CALCRL: variants seen among roughly 807,000 people sequenced by gnomAD.
CALCRL encodes calcitonin gene-related peptide type 1 receptor.
In CALCRL, 27 loss-of-function variants were observed where a neutral mutation model predicts 60.4. The ratio of observed to expected loss-of-function variants is 0.45; its 90% CI spans 0.33 to 0.62. CALCRL has a LOEUF of 0.62. Ranked by LOEUF, CALCRL falls within the 20% of genes least tolerant of loss-of-function variation. CALCRL has a pLI of 0.03. For synonymous variants in CALCRL, 190 were observed against 182.6 expected, an observed-to-expected ratio of 1.04 and a Z score of -0.33; for missense variants, 424 against 540.7, an observed-to-expected ratio of 0.78 and a Z score of 2.14.
intron 1 of CALCRL, among the ~76,000 whole-genome samples, chr2:187,420,391 A>G (rs2105871246): frequency 6.6e-6 from 1 of 152,264 alleles, no homozygotes; most frequent in East Asian, 1.9e-4. Flanking sequence ...ACATTATGAT[A>G]AAGCTCATCG....
intron 1 of CALCRL, among the ~76,000 whole-genome samples, chr2:187,420,496 A>G (rs1319035693): frequency 6.6e-6 from 1 of 152,062 alleles, no homozygotes; most frequent in Non-Finnish European, 1.5e-5. Context: ...GTTTTTTAAA[A>G]GAATGCATTA....
At chr2:187,378,855 G>T in intron 8 of CALCRL, 85 bp downstream of exon 8, 1 of 716,730 alleles carries the variant, frequency 1.4e-6, no homozygotes, top group Non-Finnish European at 2.4e-6. Flanking sequence ...GGTATATTTT[G>T]TCAGACATGA....
Position 187,342,226 on chromosome 2 carries a change from A to G in CALCRL, c.*3958T>C, listed in dbSNP as rs1728690. On this transcript the variant is annotated 3_prime_UTR_variant, in exon 15 of 15. Coordinates refer to ENST00000392370, the MANE Select transcript of CALCRL (RefSeq NM_005795.6). ...CAGAATGTAAATTAGTGATGTTTAT[A>G]GCTGAAATGAAAGTAGAGATAGAGG... is the stretch of plus-strand genomic sequence containing the variant. Among the ~76,000 whole-genome samples the G allele has an allele frequency of 0.56, 85,376 of 151,520 alleles. 25,995 individuals are homozygous for G. The highest frequency in any genetic ancestry group is 0.86 in the East Asian group (4,457 of 5,162).
chr2:187,383,270 C>G lies in CALCRL; in HGVS notation c.87G>C (p.Glu29Asp). 1.2e-6 allele frequency: 2 copies of G among 1,610,174 alleles called. No individual in the cohort carries two copies. The highest frequency in any genetic ancestry group is 1.7e-5 in the Admixed American group (1 of 59,458). ...TAGTAACTCCCAACTGAATTGAGTCCTCAGGACTCTCTTCTAATTCTGCTG... is the reference window on the plus strand; with the variant it reads ...TAGTAACTCCCAACTGAATTGAGTCGTCAGGACTCTCTTCTAATTCTGCTG... ...LVTAELEESP[E>D]DSIQLGVTRN... The change falls in exon 5 of 15, where the codon GAG (glutamate) becomes GAC (aspartate). Residue 29 changes from glutamate (E) to aspartate (D), a missense_variant. Coordinates refer to ENST00000392370, the MANE Select transcript of CALCRL (RefSeq NM_005795.6).
At chr2:187,381,660 T>G (rs1298023062) in intron 5 of CALCRL, among the ~76,000 whole-genome samples, 2 of 152,072 alleles carry the variant, frequency 1.3e-5, no homozygotes, top group Non-Finnish European at 2.9e-5. Flanking sequence ...TTCACCATGT[T>G]GGCCAGGATC....
At chr2:187,377,137 T>C (rs957826394) in intron 8 of CALCRL, among the ~76,000 whole-genome samples, 1 of 152,090 alleles carries the variant, frequency 6.6e-6, no homozygotes, top group African/African-American at 2.4e-5. Flanking sequence ...TTAATTACAA[T>C]GGAAAATCTA....
intron 8 of CALCRL, among the ~76,000 whole-genome samples, chr2:187,378,683 A>AT (rs1419838259): frequency 6.6e-6 from 1 of 152,150 alleles, no homozygotes; most frequent in East Asian, 1.9e-4. Context: ...TTAGGTTTAT[A>AT]TATTAGTTTG....
At chr2:187,444,009 C>T (rs781632251) in intron 1 of CALCRL, among the ~76,000 whole-genome samples, 2 of 151,406 alleles carry the variant, frequency 1.3e-5, no homozygotes, top group Non-Finnish European at 3.0e-5. Flanking sequence ...AACCTGTGTG[C>T]TCACGAATAT....
At chr2:187,420,397 C>A (rs2105871262) in intron 1 of CALCRL, among the ~76,000 whole-genome samples, 1 of 151,992 alleles carries the variant, frequency 6.6e-6, no homozygotes, top group Admixed American at 6.6e-5. Flanking sequence ...TGATAAAGCT[C>A]ATCGAAGGTA....
intron 8 of CALCRL, among the ~76,000 whole-genome samples, chr2:187,373,071 A>AGGGG (rs1192432092): frequency 7.2e-5 from 11 of 152,190 alleles, no homozygotes; most frequent in African/African-American, 1.7e-4. Context: ...GAAGGTCACA[A>AGGGG]ATAAGGCATG....
At chr2:187,403,944 C>A (rs1268669474) in intron 1 of CALCRL, among the ~76,000 whole-genome samples, 1 of 151,886 alleles carries the variant, frequency 6.6e-6, no homozygotes, top group African/African-American at 2.4e-5. Context: ...GTGAGAACTG[C>A]CGCTTAAGAA....
At chr2:187,414,367 T>G (rs1033587303) in intron 1 of CALCRL, among the ~76,000 whole-genome samples, 1 of 152,086 alleles carries the variant, frequency 6.6e-6, no homozygotes, top group African/African-American at 2.4e-5. Flanking sequence ...CATTCTTAAT[T>G]ATAAAAATAA....
chr2:187,390,948 C>A (rs1007381850), intron 1 of CALCRL, among the ~76,000 whole-genome samples: 17 of 152,108 alleles, frequency 1.1e-4, no homozygotes, highest in African/African-American at 3.4e-4. Context: ...TTGCAAAGGA[C>A]CTATCAAAGT....
intron 1 of CALCRL, among the ~76,000 whole-genome samples, chr2:187,388,296 G>T (rs1282011893): frequency 2.0e-5 from 3 of 151,738 alleles, no homozygotes; most frequent in Non-Finnish European, 4.4e-5. Context: ...GAGTTGTTTT[G>T]TTTTTGGTTT....
At chr2:187,383,062 G>A in intron 5 of CALCRL, 111 bp downstream of exon 5, 3 of 1,031,888 alleles carry the variant, frequency 2.9e-6, no homozygotes, top group Non-Finnish European at 4.2e-6. Flanking sequence ...TATACAAAAA[G>A]GTAGCAATCT....
intron 1 of CALCRL, among the ~76,000 whole-genome samples, chr2:187,433,190 GTTTAT>G (rs765017923): frequency 1.1e-4 from 17 of 152,012 alleles, no homozygotes; most frequent in Non-Finnish European, 2.4e-4. Flanking sequence ...CAAAGTTGAA[GTTTAT>G]TTTGAGTATT....
chr2:187,443,290 C>T (rs1224126826), intron 1 of CALCRL, among the ~76,000 whole-genome samples: 1 of 151,804 alleles, frequency 6.6e-6, no homozygotes, highest in African/African-American at 2.4e-5. Context: ...ATTATGTCCT[C>T]AGTCTCATTC....
intron 1 of CALCRL, among the ~76,000 whole-genome samples, chr2:187,411,978 CAAAAAAA>C (rs56075258): frequency 3.3e-5 from 2 of 61,490 alleles, no homozygotes; most frequent in East Asian, 8.7e-4. Context: ...GACTCTGTCT[CAAAAAAA>C]AAAAAAAAAA....
chr2:187,393,344 A>G (rs751821684), intron 1 of CALCRL, among the ~76,000 whole-genome samples: 1 of 152,166 alleles, frequency 6.6e-6, no homozygotes, highest in Non-Finnish European at 1.5e-5. Context: ...TCACTGGGAC[A>G]TGCCGAAACC....
Sources: gnomAD v4.1 joint callset for allele counts (sites outside exome capture counted in the v4.1 genomes callset) on GRCh38, gnomAD v4.1.1 for gene constraint, MANE v1.5 for transcripts, NCBI Gene and HGNC (gene_info 2026-07-23, HGNC 2026-07-21) for gene names.